The following NEDD1 variants were observed in gnomAD, a reference collection of about 807,000 sequenced individuals.
NEDD1 encodes the protein NEDD1 gamma-tubulin ring complex targeting factor, also known as protein NEDD1.
In NEDD1, 33 loss-of-function variants were observed where a neutral mutation model predicts 74.0. The observed-to-expected ratio is 0.45, with a 90% CI of 0.34 to 0.60. The LOEUF (loss-of-function observed/expected upper bound fraction) is 0.60. Ranked by LOEUF, NEDD1 falls within the 20% of genes least tolerant of loss-of-function variation. The pLI is 0.01. For missense variants in NEDD1, 746 were observed against 776.5 expected, an observed-to-expected ratio of 0.96 and a Z score of 0.47; for synonymous variants, 250 against 264.4, an observed-to-expected ratio of 0.95 and a Z score of 0.53.
In NEDD1 at chr12:96,936,648, G is replaced by A. The variant is rs1877125929; in HGVS notation, c.757G>A (p.Ala253Thr). Residue 253 changes from alanine to threonine, a missense_variant, in exon 8 of 16, where the codon GCG (alanine) becomes ACG (threonine). By Grantham distance (58) the Ala-to-Thr change is moderately conservative. Coordinates refer to ENST00000266742, the MANE Select transcript of NEDD1 (RefSeq NM_152905.4). ...TTTAGTGGCTGACACTCCTCTAACT[G>A]CGGTAGATTTCATGCCTGATGGAGC... ...KTLVADTPLT[A>T]VDFMPDGATL... 8 of 1,613,650 alleles carry A rather than the reference G, an allele frequency of 5.0e-6. No homozygotes were observed. The highest frequency in any genetic ancestry group is 1.6e-4 in the Middle Eastern group (1 of 6,084).
At chr12:96,919,165 T>C (rs1357411211) in intron 5 of NEDD1, among the ~76,000 whole-genome samples, 3 of 152,232 alleles carry the variant, frequency 2.0e-5, no homozygotes, top group Non-Finnish European at 2.9e-5. Context: ...ATAGTCCTTG[T>C]GAACTCAGTT....
At chr12:96,940,966 A>G (rs1877607325) in intron 10 of NEDD1, among the ~76,000 whole-genome samples, 1 of 152,054 alleles carries the variant, frequency 6.6e-6, no homozygotes. Flanking sequence ...AATAAAAAGC[A>G]AATTTGCCAG....
At chr12:96,936,988 T>A (rs1877170166) in intron 8 of NEDD1, among the ~76,000 whole-genome samples, 176 bp downstream of exon 8, 1 of 152,040 alleles carries the variant, frequency 6.6e-6, no homozygotes, top group Non-Finnish European at 1.5e-5. Flanking sequence ...TTTAAAACTT[T>A]TTTTCTTTTT....
chr12:96,943,078 A>G (rs1381086259), intron 11 of NEDD1, among the ~76,000 whole-genome samples: 3 of 152,008 alleles, frequency 2.0e-5, no homozygotes, highest in East Asian at 1.9e-4. Flanking sequence ...CTACTTTTTC[A>G]TATTACTTTT....
chr12:96,918,786 T>A (rs142472316), intron 5 of NEDD1, among the ~76,000 whole-genome samples: 222 of 152,324 alleles, frequency 1.5e-3, no homozygotes, highest in Admixed American at 2.5e-3. Context: ...TGCCTCTTTA[T>A]AAAGTCATAG....
chr12:96,942,736 T>C, intron 11 of NEDD1, 112 bp downstream of exon 11: 1 of 654,106 alleles, frequency 1.5e-6, no homozygotes, highest in South Asian at 1.9e-5. Context: ...ACATTTATCG[T>C]CTCATAATTT....
chr12:96,951,186 T>C (rs1420072821), intron 14 of NEDD1, among the ~76,000 whole-genome samples: 1 of 151,878 alleles, frequency 6.6e-6, no homozygotes, highest in African/African-American at 2.4e-5. Flanking sequence ...TTATTTCTTT[T>C]GTAAAATGGA....
intron 6 of NEDD1, among the ~76,000 whole-genome samples, chr12:96,929,175 T>C (rs1332492568): frequency 1.3e-5 from 2 of 151,670 alleles, no homozygotes; most frequent in African/African-American, 4.8e-5. Flanking sequence ...TTCTTTTTGA[T>C]TTTTAAAAAT....
chr12:96,909,677 A>G (rs1873694953), intron 2 of NEDD1, 75 bp from the exon 3 acceptor site: 2 of 1,196,656 alleles, frequency 1.7e-6, no homozygotes, highest in South Asian at 1.4e-5. Flanking sequence ...CTTGTTTTAG[A>G]TTAGATTTTG....
At chr12:96,951,324 T>G in intron 14 of NEDD1, 108 bp from the exon 15 acceptor site, 1 of 577,644 alleles carries the variant, frequency 1.7e-6, no homozygotes. Flanking sequence ...TTATAGTAAT[T>G]ATTAACATTC....
chr12:96,941,712 C>A (rs938781713), intron 10 of NEDD1, among the ~76,000 whole-genome samples: 12 of 152,070 alleles, frequency 7.9e-5, no homozygotes, highest in Non-Finnish European at 1.2e-4. Flanking sequence ...AAATTAAATT[C>A]TCTTTAATAG....
At chr12:96,940,133 A>C (rs2136600327) in intron 9 of NEDD1, among the ~76,000 whole-genome samples, 1 of 152,166 alleles carries the variant, frequency 6.6e-6, no homozygotes, top group Non-Finnish European at 1.5e-5. Flanking sequence ...TGGCTAAAAT[A>C]AGGTATTACT....
chr12:96,948,395 A>T (rs947437848), intron 14 of NEDD1, among the ~76,000 whole-genome samples: 1 of 152,102 alleles, frequency 6.6e-6, no homozygotes, highest in Non-Finnish European at 1.5e-5. Flanking sequence ...AATTTCAGCT[A>T]GTTCTTTTTA....
rs113585010 is a variant in NEDD1 at position 96,951,907 on chromosome 12, T to C, written c.1879-42T>C. The C allele has an allele frequency of 5.7e-6, 6 of 1,052,224 alleles. No homozygotes were observed. In the South Asian group the frequency reaches 7.7e-5, roughly 14 times the overall value. The allele number at this position is 1,052,224 out of a possible 1,614,324, so 65.2% of individuals were successfully genotyped here. On this transcript the variant is annotated intron_variant, in intron 15 of 15. Transcript: ENST00000266742. ...TTAAACATAGCCTGCCAAATAAATG[T>C]GAAATATCAATAATTTAAAAAGCAT... is the stretch of plus-strand genomic sequence containing the variant.
chr12:96,945,716 A>G lies in NEDD1; in HGVS notation c.1678A>G (p.Thr560Ala). The G allele has an allele frequency of 6.2e-7, 1 of 1,602,662 alleles. No individual in the cohort carries two copies. The stretch of plus-strand genomic sequence containing the variant: ...AGATCCAAAGATAGCATCTTCTGTC[A>G]CTGCTGGAGTTGCCAGTTCACTCTC... ...TPNPKIASSVTAGVASSLSEK... is the reference protein window; with the variant it reads ...TPNPKIASSVAAGVASSLSEK... The change falls in exon 14 of 16, where the codon ACT becomes GCT. Residue 560 changes from threonine (T) to alanine (A), a missense_variant. Transcript: ENST00000266742.
At chr12:96,922,798 A>G (rs1051193370) in intron 6 of NEDD1, among the ~76,000 whole-genome samples, 1 of 152,188 alleles carries the variant, frequency 6.6e-6, no homozygotes, top group Non-Finnish European at 1.5e-5. Flanking sequence ...TGTCTTTTCC[A>G]GTCACTACCT....
At chr12:96,941,298 C>T (rs562052581) in intron 10 of NEDD1, among the ~76,000 whole-genome samples, 1 of 152,166 alleles carries the variant, frequency 6.6e-6, no homozygotes, top group East Asian at 1.9e-4. Context: ...GTTTCATCCA[C>T]TCATTATCTT....
At position 96,926,291 on chromosome 12, in the gene NEDD1, G is replaced by A. The variant is rs1042260340; in HGVS notation, c.489+6166G>A. Among the ~76,000 whole-genome samples, 8 of 152,266 alleles carry A rather than the reference G, an allele frequency of 5.3e-5. No homozygotes were observed. In the East Asian group the frequency reaches 1.5e-3, roughly 29 times the overall value. On this transcript the variant is annotated intron_variant, in intron 6 of 15. Coordinates refer to ENST00000266742, the MANE Select transcript of NEDD1 (RefSeq NM_152905.4). Reference sequence around the variant, plus strand: ...GATTTAAAAATGAGAGCATTAAAGAGGGTGAAAAATTTGACTAGAGTCTGT... The same window carrying A: ...GATTTAAAAATGAGAGCATTAAAGAAGGTGAAAAATTTGACTAGAGTCTGT...
At chr12:96,939,528 C>T (rs1877459883) in intron 9 of NEDD1, among the ~76,000 whole-genome samples, 1 of 152,026 alleles carries the variant, frequency 6.6e-6, no homozygotes, top group Non-Finnish European at 1.5e-5. Flanking sequence ...GTTTTCATCT[C>T]AGACTTTTCA....
Sources: allele counts gnomAD v4.1 joint callset (sites outside exome capture counted in the v4.1 genomes callset), GRCh38; gene constraint gnomAD v4.1.1; transcripts MANE v1.5; gene names NCBI Gene and HGNC (gene_info 2026-07-23, HGNC 2026-07-21).